SYBU: variants seen among roughly 807,000 people sequenced by gnomAD.
SYBU encodes syntabulin, also known as GOLSYN A protein.
Under a neutral mutation model 35.9 loss-of-function variants are expected in SYBU, and 21 were observed. The observed-to-expected ratio is 0.58, with a 90% CI of 0.41 to 0.84. The LOEUF (loss-of-function observed/expected upper bound fraction) is 0.84. Among genes scored for constraint, SYBU ranks in the 40% least tolerant of loss-of-function variants. The probability of loss-of-function intolerance (pLI) is 0.00; values close to 1 mark genes in which losing one functional copy is unlikely to be tolerated. For synonymous variants in SYBU, 319 were observed against 324.3 expected, an observed-to-expected ratio of 0.98 and a Z score of 0.18; for missense variants, 768 against 848.2, an observed-to-expected ratio of 0.91 and a Z score of 1.17.
At chr8:109,642,641 C>T in intron 2 of SYBU, 87 bp downstream of exon 2, 1 of 839,442 alleles carries the variant, frequency 1.2e-6, no homozygotes, top group Non-Finnish European at 1.8e-6. Context: ...TAGTTCTAGG[C>T]TATAAGGGAC....
chr8:109,641,441 T>G (rs142805668), intron 2 of SYBU, among the ~76,000 whole-genome samples: 1 of 152,252 alleles, frequency 6.6e-6, no homozygotes, highest in Non-Finnish European at 1.5e-5. Context: ...GCAAGTATTA[T>G]AATCTCATTT....
At chr8:109,627,862 A>G (rs897885808) in intron 2 of SYBU, among the ~76,000 whole-genome samples, 27 of 152,230 alleles carry the variant, frequency 1.8e-4, no homozygotes, top group African/African-American at 6.0e-4. Context: ...AACGTGTGCC[A>G]TTCTGATAAT....
intron 3 of SYBU, among the ~76,000 whole-genome samples, chr8:109,591,821 A>C (rs1824313714): frequency 6.6e-6 from 1 of 151,936 alleles, no homozygotes; most frequent in Non-Finnish European, 1.5e-5. Context: ...CAAAAATGTA[A>C]ATTTTTAAGG....
At chr8:109,654,736 A>G (rs1816286320) in intron 1 of SYBU, among the ~76,000 whole-genome samples, 1 of 152,170 alleles carries the variant, frequency 6.6e-6, no homozygotes, top group African/African-American at 2.4e-5. Context: ...ACTTCCTCTA[A>G]AAGCTGATTT....
chr8:109,595,223 A>G (rs1329795641), intron 3 of SYBU, among the ~76,000 whole-genome samples: 2 of 152,212 alleles, frequency 1.3e-5, no homozygotes, highest in Admixed American at 1.3e-4. Flanking sequence ...TGTGAGTGGC[A>G]AGAAAGGATT....
At chr8:109,623,225 G>C (rs900196388) in intron 2 of SYBU, among the ~76,000 whole-genome samples, 2 of 152,066 alleles carry the variant, frequency 1.3e-5, no homozygotes, top group African/African-American at 4.8e-5. Flanking sequence ...CTCCTTAGAC[G>C]GGTCCAAGAT....
chr8:109,655,872 T>C (rs1053302525), intron 1 of SYBU, among the ~76,000 whole-genome samples: 6 of 152,134 alleles, frequency 3.9e-5, no homozygotes, highest in African/African-American at 1.4e-4. Flanking sequence ...CCCAGCACTT[T>C]GGGAGGCCGA....
At chr8:109,644,844 C>T, upstream of SYBU, 1 of 593,510 alleles carries the variant, frequency 1.7e-6, no homozygotes, top group Admixed American at 3.7e-5. Context: ...GCACGCCCGA[C>T]CCCGCCCCGG....
intron 1 of SYBU, among the ~76,000 whole-genome samples, chr8:109,676,147 A>G (rs1229400605): frequency 1.3e-5 from 2 of 152,214 alleles, no homozygotes; most frequent in Admixed American, 6.5e-5. Flanking sequence ...TCTCAAAATA[A>G]TAAGAGCTAT....
intron 1 of SYBU, among the ~76,000 whole-genome samples, chr8:109,675,374 A>G (rs1817149474): frequency 6.6e-6 from 1 of 152,210 alleles, no homozygotes; most frequent in Non-Finnish European, 1.5e-5. Context: ...AAAGATTAAC[A>G]AAATAGATAG....
intron 4 of SYBU, chr8:109,581,004 T>C (rs1243230034): frequency 6.6e-6 from 1 of 152,290 alleles, no homozygotes; most frequent in African/African-American, 2.4e-5. Context: ...ACTTTGAGAC[T>C]GATGGGAACG....
At chr8:109,611,018 C>T (rs1004163687) in intron 3 of SYBU, among the ~76,000 whole-genome samples, 3 of 152,154 alleles carry the variant, frequency 2.0e-5, no homozygotes, top group Admixed American at 1.3e-4. Context: ...GAAAGCCCAA[C>T]CTAAAGCATA....
intron 1 of SYBU, among the ~76,000 whole-genome samples, chr8:109,659,214 T>A (rs116408826): frequency 1.5e-3 from 223 of 152,278 alleles, no homozygotes; most frequent in African/African-American, 5.1e-3. Flanking sequence ...CAGCTTACAT[T>A]TACTTTCAGA....
chr8:109,613,533 T>C (rs1563723149), intron 3 of SYBU, among the ~76,000 whole-genome samples: 2 of 151,226 alleles, frequency 1.3e-5, no homozygotes. Flanking sequence ...AAAGTTCTCC[T>C]CCCCCCCACC....
Position 109,575,334 on chromosome 8 carries a change from CA to C in SYBU, c.1563del (p.Asp522MetfsTer18). 1 of 1,614,178 alleles carries C rather than the reference CA, an allele frequency of 6.2e-7. No homozygotes were observed. The highest frequency in any genetic ancestry group is 8.5e-7 in the Non-Finnish European group (1 of 1,180,018). On this transcript the variant is annotated frameshift_variant, in exon 7 of 7. Coordinates refer to ENST00000276646, the MANE Select transcript of SYBU (RefSeq NM_001099754.2). LOFTEE classifies it low-confidence loss of function (END_TRUNC). ...TCCATCGAGTCTGGTTCAGACTCAT[CA>C]GGGGACGCCAAGCTCGAGGGACAGG... ...QDPCPSSLAS[P>X]DESEPDSMES...
chr8:109,584,830 C>T lies in SYBU; in HGVS notation c.530+1230G>A. 6.6e-6 allele frequency among the ~76,000 whole-genome samples: 1 copy of T among 152,080 alleles called. No homozygotes were observed. The highest frequency in any genetic ancestry group is 1.9e-4 in the East Asian group (1 of 5,190). ...CTTTTGGAAACTAAATAGATTTTCT[C>T]CAGGAAGAGACCTTAAAAAGTCACA... On this transcript the variant is annotated intron_variant, in intron 4 of 6. Coordinates refer to ENST00000276646, the MANE Select transcript of SYBU (RefSeq NM_001099754.2). The surrounding 1 kb of genome is among the most constrained non-coding windows in gnomAD (Gnocchi z 4.0).
chr8:109,640,358 TTG>T (rs1491013096), intron 2 of SYBU, among the ~76,000 whole-genome samples: 2 of 152,088 alleles, frequency 1.3e-5, no homozygotes, highest in African/African-American at 4.8e-5. Flanking sequence ...TTCCTTTTTT[TTG>T]TTGTTGTTTT....
chr8:109,618,080 C>T (rs139912421), intron 3 of SYBU, among the ~76,000 whole-genome samples: 267 of 152,270 alleles, frequency 1.8e-3, no homozygotes, highest in Non-Finnish European at 3.3e-3. Context: ...CTTTTCAGCT[C>T]ATAAATATGG....
chr8:109,662,915 G>C (rs569804242), intron 1 of SYBU, among the ~76,000 whole-genome samples: 105 of 152,064 alleles, frequency 6.9e-4, no homozygotes, highest in African/African-American at 2.4e-3. Flanking sequence ...CTTTCTTTTT[G>C]TTCTCCCTAA....
Sources: gnomAD v4.1 joint callset for allele counts (sites outside exome capture counted in the v4.1 genomes callset) on GRCh38, gnomAD v4.1.1 for gene constraint, Gnocchi (gnomAD v3.1) non-coding constraint, MANE v1.5 for transcripts, NCBI Gene and HGNC (gene_info 2026-07-23, HGNC 2026-07-21) for gene names.